ACTR3C: variants seen among roughly 807,000 people sequenced by gnomAD.
ACTR3C encodes the protein actin related protein 3C.
In ACTR3C, 18 loss-of-function variants were observed where a neutral mutation model predicts 26.3. The ratio of observed to expected loss-of-function variants is 0.68; its 90% CI spans 0.47 to 1.01. The LOEUF is 1.01. ACTR3C is among the 50% of genes least tolerant of loss of function. ACTR3C has a pLI of 0.00. For synonymous variants in ACTR3C, 55 were observed against 94.5 expected (o/e 0.58, Z 2.42); for missense variants, 184 against 250.7 (o/e 0.73, Z 1.80).
chr7:149,961,983 T>C, the ACTR3C span, among the ~76,000 whole-genome samples: 1 of 149,206 alleles, frequency 6.7e-6, no homozygotes, highest in Non-Finnish European at 1.5e-5. Flanking sequence ...CAGGAAGTGT[T>C]CACTCACAGG....
chr7:150,300,812 C>T lies in ACTR3C; in HGVS notation c.-51-5465G>A, dbSNP rs199827114. Among the ~76,000 whole-genome samples, 169 of 151,460 alleles carry T rather than the reference C, an allele frequency of 1.1e-3. 2 individuals carry two copies. The East Asian group carries it at 0.03, about 27-fold the overall frequency. The stretch of plus-strand genomic sequence containing the variant: ...CCACAACATGGTATTTATTTCAATG[C>T]GCCTACTCGGGCTGAGGAGATTAAA... On this transcript the variant is annotated intron_variant, in intron 1 of 7. Transcript: ENST00000683684.
chr7:150,080,533 G>A, the ACTR3C span, among the ~76,000 whole-genome samples: 5 of 137,904 alleles, frequency 3.6e-5, no homozygotes, highest in South Asian at 8.7e-4. Flanking sequence ...GTGTATGTGT[G>A]TGTGTGTGTG....
At chr7:150,300,489 G>A (rs1795369157) in intron 1 of ACTR3C, among the ~76,000 whole-genome samples, 1 of 152,136 alleles carries the variant, frequency 6.6e-6, no homozygotes, top group Non-Finnish European at 1.5e-5. Flanking sequence ...GCAGGAAAGA[G>A]GCGAGGGGGG....
chr7:150,092,568 T>C, the ACTR3C span, among the ~76,000 whole-genome samples: 1 of 149,840 alleles, frequency 6.7e-6, no homozygotes, highest in Non-Finnish European at 1.5e-5. Flanking sequence ...AGTAAAAGCA[T>C]AGGTTTCATG....
the ACTR3C span, among the ~76,000 whole-genome samples, chr7:150,172,104 C>T: frequency 6.7e-3 from 1,006 of 150,770 alleles, 78 homozygotes; most frequent in African/African-American, 0.024. Context: ...GCCACTGCAC[C>T]GGCCAGATTC....
chr7:150,135,837 G>A, the ACTR3C span, among the ~76,000 whole-genome samples: 88 of 148,530 alleles, frequency 5.9e-4, no homozygotes, highest in African/African-American at 2.1e-3. Context: ...GAAAAGAAAG[G>A]AAAGAAAGGG....
chr7:150,042,344 G>C, the ACTR3C span, among the ~76,000 whole-genome samples: 1 of 125,024 alleles, frequency 8.0e-6, no homozygotes, highest in East Asian at 2.4e-4. Flanking sequence ...CCTCGCGGGG[G>C]GTGCCTCCGC....
the ACTR3C span, among the ~76,000 whole-genome samples, chr7:150,020,309 A>G: frequency 6.6e-6 from 1 of 152,240 alleles, no homozygotes; most frequent in African/African-American, 2.4e-5. Context: ...AACTTTAAGT[A>G]TTGAAATTAT....
At chr7:150,034,649 G>T in the ACTR3C span, among the ~76,000 whole-genome samples, 9 of 148,900 alleles carry the variant, frequency 6.0e-5, no homozygotes, top group African/African-American at 1.5e-4. Context: ...CGGACCCGTC[G>T]GATCGTAAAT....
At chr7:150,011,447 T>G in the ACTR3C span, among the ~76,000 whole-genome samples, 1 of 152,086 alleles carries the variant, frequency 6.6e-6, no homozygotes, top group African/African-American at 2.4e-5. Flanking sequence ...TAGCCAGGCA[T>G]GATGGTGAGC....
chr7:150,195,434 C>T, the ACTR3C span, among the ~76,000 whole-genome samples: 4 of 152,104 alleles, frequency 2.6e-5, no homozygotes, highest in Non-Finnish European at 5.9e-5. Context: ...TGGTTTTTCT[C>T]TTAAAATTTC....
chr7:150,161,710 T>C, the ACTR3C span, among the ~76,000 whole-genome samples: 1 of 152,174 alleles, frequency 6.6e-6, no homozygotes, highest in Admixed American at 6.5e-5. Context: ...TAAAGACGCA[T>C]GCACATGTAT....
At chr7:149,926,227 G>A in the ACTR3C span, among the ~76,000 whole-genome samples, 1 of 152,096 alleles carries the variant, frequency 6.6e-6, no homozygotes, top group Non-Finnish European at 1.5e-5. Context: ...GATAAATAGG[G>A]GAAATATATT....
chr7:150,308,958 A>C (rs973845030), intron 1 of ACTR3C, among the ~76,000 whole-genome samples: 4 of 152,176 alleles, frequency 2.6e-5, no homozygotes, highest in African/African-American at 2.4e-5. Flanking sequence ...ACTCAGTCCT[A>C]CAATTTAACC....
chr7:150,047,575 C>T, the ACTR3C span: 1 of 1,053,984 alleles, frequency 9.5e-7, no homozygotes, highest in Admixed American at 5.5e-5. Context: ...CCCGGAGCCC[C>T]CGCCGCCGTC....
the ACTR3C span, among the ~76,000 whole-genome samples, chr7:149,967,191 C>T: frequency 6.6e-6 from 1 of 151,846 alleles, no homozygotes; most frequent in Non-Finnish European, 1.5e-5. Context: ...CCCACCACCA[C>T]GCCCGGCTAA....
At chr7:149,960,533 C>T in the ACTR3C span, among the ~76,000 whole-genome samples, 2 of 152,082 alleles carry the variant, frequency 1.3e-5, no homozygotes, top group South Asian at 4.2e-4. Flanking sequence ...AGTTAGGGAA[C>T]ATTTGGGAAC....
the ACTR3C span, among the ~76,000 whole-genome samples, chr7:150,198,622 G>C: frequency 6.7e-6 from 1 of 149,586 alleles, no homozygotes; most frequent in African/African-American, 2.5e-5. Context: ...CGCCCCGTCT[G>C]AGAAGTGAGG....
intron 6 of ACTR3C, among the ~76,000 whole-genome samples, chr7:150,265,208 C>T (rs1460956789): frequency 6.6e-6 from 1 of 151,914 alleles, no homozygotes; most frequent in East Asian, 1.9e-4. Flanking sequence ...GTGACCATTA[C>T]ATCTAGAATG....
Sources: gnomAD v4.1 joint callset for allele counts (sites outside exome capture counted in the v4.1 genomes callset) on GRCh38, gnomAD v4.1.1 for gene constraint, MANE v1.5 for transcripts, NCBI Gene and HGNC (gene_info 2026-07-23, HGNC 2026-07-21) for gene names.